HHLA2: variants seen among roughly 807,000 people sequenced by gnomAD.
The protein encoded by HHLA2 is HERV-H LTR-associating protein 2.
HHLA2 carries 48 observed loss-of-function variants against 45.9 expected under a neutral mutation model. The observed-to-expected ratio is 1.05, with a 90% CI of 0.83 to 1.33. The LOEUF (loss-of-function observed/expected upper bound fraction) is 1.33, where lower values mean the gene tolerates loss of function less well. Among genes scored for constraint, HHLA2 ranks in the 40% most tolerant of loss-of-function variants. The pLI is 0.00. For synonymous variants in HHLA2, 161 were observed against 173.9 expected (o/e 0.93, Z 0.59); for missense variants, 462 against 494.3 (o/e 0.93, Z 0.62).
At chr3:108,324,366 A>G (rs1165595805) in intron 2 of HHLA2, among the ~76,000 whole-genome samples, 2 of 152,194 alleles carry the variant, frequency 1.3e-5, no homozygotes, top group Non-Finnish European at 2.9e-5. Flanking sequence ...TACATTTCTG[A>G]AGATTTGACT....
intron 8 of HHLA2, among the ~76,000 whole-genome samples, chr3:108,364,282 T>C (rs1253569444): frequency 5.9e-5 from 9 of 152,226 alleles, no homozygotes; most frequent in Non-Finnish European, 1.0e-4. Flanking sequence ...CTGAGAATGA[T>C]GGTTTCCAGC....
chr3:108,355,503 AG>A, intron 6 of HHLA2, 122 bp downstream of exon 5: 2 of 1,130,028 alleles, frequency 1.8e-6, no homozygotes, highest in South Asian at 3.1e-5. Flanking sequence ...TGCAGCGGTT[AG>A]AAGACCAAGA....
intron 3 of HHLA2, among the ~76,000 whole-genome samples, chr3:108,337,327 A>G (rs1271285382): frequency 6.6e-6 from 1 of 152,168 alleles, no homozygotes; most frequent in Non-Finnish European, 1.5e-5. Flanking sequence ...CCGCTTTGCT[A>G]CTTATAGTTT....
At chr3:108,354,729 A>C (rs575958441) in intron 5 of HHLA2, among the ~76,000 whole-genome samples, 1 of 152,138 alleles carries the variant, frequency 6.6e-6, no homozygotes, top group South Asian at 2.1e-4. Context: ...AATTATGTGT[A>C]AACAGTCAAA....
intron 2 of HHLA2, among the ~76,000 whole-genome samples, chr3:108,312,060 G>A (rs2081028278): frequency 6.6e-6 from 1 of 152,136 alleles, no homozygotes; most frequent in Admixed American, 6.6e-5. Context: ...GGAGAGGGGA[G>A]GGAAGAAGCC....
intron 3 of HHLA2, among the ~76,000 whole-genome samples, chr3:108,342,622 C>CT (rs1205554247): frequency 6.6e-6 from 1 of 152,206 alleles, no homozygotes; most frequent in Non-Finnish European, 1.5e-5. Context: ...AAAACACAAT[C>CT]TGACTTCATC....
At chr3:108,303,079 G>A (rs2080876041) in intron 1 of HHLA2, among the ~76,000 whole-genome samples, 1 of 152,140 alleles carries the variant, frequency 6.6e-6, no homozygotes, top group African/African-American at 2.4e-5. Context: ...ATTCAGTTAT[G>A]TCTTGGTTCT....
At chr3:108,348,527 G>T (rs1175348491) in intron 3 of HHLA2, among the ~76,000 whole-genome samples, 2 of 152,086 alleles carry the variant, frequency 1.3e-5, no homozygotes, top group African/African-American at 4.8e-5. Context: ...AGAATTTTTT[G>T]TTTTTTCTCA....
At chr3:108,299,326 AAT>A (rs887584352) in intron 1 of HHLA2, among the ~76,000 whole-genome samples, 11 of 149,310 alleles carry the variant, frequency 7.4e-5, no homozygotes, top group African/African-American at 1.2e-4. Flanking sequence ...ACCCAGAAAA[AAT>A]ATATATATAT....
chr3:108,347,197 C>T (rs1451245637), intron 3 of HHLA2, among the ~76,000 whole-genome samples: 2 of 152,176 alleles, frequency 1.3e-5, no homozygotes, highest in Non-Finnish European at 2.9e-5. Flanking sequence ...CATTAACTGC[C>T]TCACTTAGCT....
intron 2 of HHLA2, among the ~76,000 whole-genome samples, chr3:108,322,656 C>T (rs976234406): frequency 2.6e-5 from 4 of 152,148 alleles, no homozygotes; most frequent in African/African-American, 4.8e-5. Flanking sequence ...TTCTTGCTTT[C>T]GAAACGTTCT....
At chr3:108,364,455 C>T (rs2082030721) in intron 8 of HHLA2, among the ~76,000 whole-genome samples, 1 of 152,178 alleles carries the variant, frequency 6.6e-6, no homozygotes, top group African/African-American at 2.4e-5. Context: ...AATAAACATA[C>T]ATGTGCATGT....
intron 2 of HHLA2, among the ~76,000 whole-genome samples, chr3:108,315,738 T>C (rs2081091371): frequency 6.6e-6 from 1 of 152,172 alleles, no homozygotes; most frequent in Admixed American, 6.5e-5. Context: ...GAAGTATATG[T>C]GGTAGTTTTC....
chr3:108,355,531 G>C (rs1262538576), intron 6 of HHLA2, 150 bp downstream of exon 5: 9 of 796,246 alleles, frequency 1.1e-5, no homozygotes, highest in Non-Finnish European at 1.8e-5. Context: ...CCCTAGGGCT[G>C]GTTCTTCTGG....
chr3:108,304,377 G>A (rs76003720), intron 1 of HHLA2, among the ~76,000 whole-genome samples: 8,328 of 152,130 alleles, frequency 0.055, 337 homozygotes, highest in East Asian at 0.23. Flanking sequence ...AAGATTCTAG[G>A]GGAGAATCCT....
chr3:108,353,914 C>G, intron 5 of HHLA2, 134 bp downstream of exon 4: 5 of 651,252 alleles, frequency 7.7e-6, no homozygotes, highest in Non-Finnish European at 1.3e-5. Flanking sequence ...TAACGCACAG[C>G]AACTTGTAGT....
intron 2 of HHLA2, chr3:108,325,999 A>C: frequency 3.0e-6 from 1 of 329,224 alleles, no homozygotes; most frequent in Admixed American, 3.2e-5. Context: ...GGTCATCAAA[A>C]GTTATGAAAG....
At chr3:108,321,091 T>TAAAAAAAAAAAAAAAAAAAAAAAAAAGA (rs67374827) in intron 2 of HHLA2, among the ~76,000 whole-genome samples, 1 of 101,428 alleles carries the variant, frequency 9.9e-6, no homozygotes, top group African/African-American at 3.6e-5. Context: ...TCCAGGTGTT[T>TAAAAAAAAAAAAAAAAAAAAAAAAAAGA]AAAAAAAAAA....
chr3:108,302,194 T>C (rs114397931), intron 1 of HHLA2, among the ~76,000 whole-genome samples: 2 of 152,256 alleles, frequency 1.3e-5, no homozygotes, highest in Non-Finnish European at 2.9e-5. Flanking sequence ...GGTATATAAA[T>C]GAGTTTGAAA....
Sources: allele counts gnomAD v4.1 joint callset (sites outside exome capture counted in the v4.1 genomes callset), GRCh38; gene constraint gnomAD v4.1.1; transcripts MANE v1.5; gene names NCBI Gene and HGNC (gene_info 2026-07-23, HGNC 2026-07-21).